AGBL1: variants seen among roughly 807,000 people sequenced by gnomAD.
The protein encoded by AGBL1 is cytosolic carboxypeptidase 4.
Under a neutral mutation model 118.9 loss-of-function variants are expected in AGBL1, and 130 were observed. That is an observed-to-expected ratio of 1.09 (90% CI 0.95 to 1.26). AGBL1 has a LOEUF of 1.26. AGBL1 is among the 50% of genes most tolerant of loss of function. AGBL1 has a pLI of 0.00. For missense variants in AGBL1, 1,584 were observed against 1,298.1 expected (o/e 1.22, Z -3.38); for synonymous variants, 555 against 478.9 (o/e 1.16, Z -2.08).
At chr15:86,629,010 C>A (rs751970528) in intron 21 of AGBL1, among the ~76,000 whole-genome samples, 8 of 152,018 alleles carry the variant, frequency 5.3e-5, no homozygotes, top group Admixed American at 5.2e-4. Context: ...CACTTAAGAT[C>A]TGGTCTCAGC....
intron 22 of AGBL1, among the ~76,000 whole-genome samples, chr15:86,701,757 T>TTCCCCTTCCTTTCACTCCTC (rs1308027435): frequency 7.1e-6 from 1 of 141,278 alleles, no homozygotes; most frequent in South Asian, 2.5e-4. Context: ...TTTCACTCCT[T>TTCCCCTTCCTTTCACTCCTC]TCCCCTTCCT....
intron 18 of AGBL1, among the ~76,000 whole-genome samples, chr15:86,406,061 C>T (rs72756234): frequency 1.9e-3 from 289 of 152,278 alleles, no homozygotes; most frequent in Middle Eastern, 3.4e-3. Context: ...AGTAAAGGAA[C>T]CATTTGGTTC....
At chr15:86,457,206 T>C (rs914969002) in intron 18 of AGBL1, among the ~76,000 whole-genome samples, 5 of 152,212 alleles carry the variant, frequency 3.3e-5, no homozygotes, top group Middle Eastern at 3.2e-3. Context: ...CTTTCCATTA[T>C]GAAGGCAACT....
At chr15:86,977,870 G>A (rs1344967001) in intron 23 of AGBL1, among the ~76,000 whole-genome samples, 1 of 152,014 alleles carries the variant, frequency 6.6e-6, no homozygotes, top group Non-Finnish European at 1.5e-5. Context: ...AATTTAAGGG[G>A]AATGCCTCTT....
At chr15:86,553,114 C>T (rs1378913515) in intron 20 of AGBL1, among the ~76,000 whole-genome samples, 1 of 152,110 alleles carries the variant, frequency 6.6e-6, no homozygotes, top group South Asian at 2.1e-4. Flanking sequence ...TCTACTTTCT[C>T]CCTGTAATTT....
intron 21 of AGBL1, among the ~76,000 whole-genome samples, chr15:86,655,403 G>A (rs2085446667): frequency 1.3e-5 from 2 of 152,122 alleles, no homozygotes; most frequent in Admixed American, 6.5e-5. Context: ...TAAATATTTG[G>A]TAGAAAATAT....
chr15:86,470,979 T>C (rs1286070246), intron 18 of AGBL1, among the ~76,000 whole-genome samples: 1 of 152,132 alleles, frequency 6.6e-6, no homozygotes, highest in Non-Finnish European at 1.5e-5. Flanking sequence ...GCAGAGATAA[T>C]TTTACTTATT....
chr15:87,011,189 C>G (rs2081555842), intron 24 of AGBL1, among the ~76,000 whole-genome samples: 1 of 151,314 alleles, frequency 6.6e-6, no homozygotes, highest in Non-Finnish European at 1.5e-5. Flanking sequence ...TCCCATCTGC[C>G]AGCTAGATGA....
In AGBL1 at chr15:86,989,860, C is replaced by T. The variant is rs1299341833; in HGVS notation, c.3323+1772C>T. On this transcript the variant is annotated intron_variant, in intron 24 of 24. Coordinates refer to the AGBL1 transcript ENST00000441037. Reference sequence around the variant, plus strand: ...ACACATGCAGGAAGCACTTTCCAGGCAATGGAATTGGCAAGCGCAAAGGCC... The same window carrying T: ...ACACATGCAGGAAGCACTTTCCAGGTAATGGAATTGGCAAGCGCAAAGGCC... Among the ~76,000 whole-genome samples the T allele has an allele frequency of 4.6e-5, 7 of 152,212 alleles. No individual in the cohort carries two copies. The East Asian group carries it at 1.2e-3, about 25-fold the overall frequency.
chr15:86,849,202 A>G (rs946520871), intron 22 of AGBL1, among the ~76,000 whole-genome samples: 3 of 152,196 alleles, frequency 2.0e-5, no homozygotes, highest in African/African-American at 4.8e-5. Flanking sequence ...AATGATTCCA[A>G]TCTACAGCAC....
intron 22 of AGBL1, among the ~76,000 whole-genome samples, chr15:86,895,494 G>A (rs988398943): frequency 2.6e-5 from 4 of 151,124 alleles, no homozygotes; most frequent in East Asian, 3.9e-4. Flanking sequence ...TTTTAGCAGT[G>A]GTTTCTCCAT....
intron 24 of AGBL1, among the ~76,000 whole-genome samples, chr15:87,015,269 C>G (rs1236131199): frequency 6.6e-6 from 1 of 152,164 alleles, no homozygotes; most frequent in Non-Finnish European, 1.5e-5. Flanking sequence ...ACTGGCTTCT[C>G]TGGTTCTCCA....
At chr15:86,206,928 G>A (rs957923946) in intron 5 of AGBL1, among the ~76,000 whole-genome samples, 1 of 152,224 alleles carries the variant, frequency 6.6e-6, no homozygotes, top group East Asian at 1.9e-4. Context: ...TTCTTCTAGG[G>A]TTTTTATGGT....
intron 22 of AGBL1, among the ~76,000 whole-genome samples, chr15:86,896,674 A>G (rs2080132696): frequency 6.6e-6 from 1 of 152,094 alleles, no homozygotes; most frequent in Admixed American, 6.5e-5. Flanking sequence ...TTCTGCTGTA[A>G]AAGATAAATT....
intron 22 of AGBL1, among the ~76,000 whole-genome samples, chr15:86,731,063 T>A (rs914837181): frequency 6.6e-6 from 1 of 152,092 alleles, no homozygotes; most frequent in African/African-American, 2.4e-5. Flanking sequence ...ACTCCTGACC[T>A]CAGGTGATCC....
chr15:86,933,151 A>C (rs2080625219), intron 23 of AGBL1, among the ~76,000 whole-genome samples: 1 of 152,196 alleles, frequency 6.6e-6, no homozygotes. Context: ...CCACCTTTGC[A>C]AAGATTATGG....
intron 17 of AGBL1, among the ~76,000 whole-genome samples, chr15:86,382,919 C>G (rs1216417219): frequency 3.3e-5 from 5 of 152,124 alleles, no homozygotes; most frequent in Admixed American, 1.3e-4. Flanking sequence ...CTGAACTATG[C>G]TAAGCTTCGT....
chr15:86,635,364 T>C (rs1030909826), intron 21 of AGBL1, among the ~76,000 whole-genome samples: 5 of 140,380 alleles, frequency 3.6e-5, no homozygotes, highest in African/African-American at 1.4e-4. Flanking sequence ...TCCTCCTCCT[T>C]CTCTTGCCCC....
chr15:86,763,502 A>G (rs545890734), intron 22 of AGBL1, among the ~76,000 whole-genome samples: 1 of 152,148 alleles, frequency 6.6e-6, no homozygotes, highest in Admixed American at 6.6e-5. Context: ...GATGGGGCAG[A>G]TATTCTTTTA....
Sources: allele counts gnomAD v4.1 joint callset (sites outside exome capture counted in the v4.1 genomes callset), GRCh38; gene constraint gnomAD v4.1.1; transcripts MANE v1.5; gene names NCBI Gene and HGNC (gene_info 2026-07-23, HGNC 2026-07-21).